Variants in HCRTR2 observed in about 807,000 individuals in gnomAD.
HCRTR2 encodes the protein hypocretin receptor 2, also known as orexin receptor type 2.
A neutral mutation model predicts 49.0 loss-of-function variants in HCRTR2; 22 were observed. That is an observed-to-expected ratio of 0.45 (90% CI 0.32 to 0.64). The LOEUF is 0.64. HCRTR2 is among the 30% of genes least tolerant of loss of function. The pLI, the probability that HCRTR2 is intolerant of heterozygous loss-of-function variation, is 0.04. For missense variants in HCRTR2, 491 were observed against 559.4 expected (o/e 0.88, Z 1.23); for synonymous variants, 236 against 205.3 (o/e 1.15, Z -1.28).
At chr6:55,128,708 AT>A (rs1561980608) in intron 1 of HCRTR2, among the ~76,000 whole-genome samples, 1 of 152,100 alleles carries the variant, frequency 6.6e-6, no homozygotes, top group Non-Finnish European at 1.5e-5. Flanking sequence ...ACTTTTCAGA[AT>A]ATCCATGTAG....
intron 1 of HCRTR2, among the ~76,000 whole-genome samples, chr6:55,148,178 G>A (rs556207254): frequency 2.6e-4 from 39 of 151,878 alleles, no homozygotes; most frequent in Admixed American, 5.2e-4. Context: ...TGGCAGCAAA[G>A]GGCAAAATTA....
At chr6:55,172,572 A>G (rs1443525161), upstream of HCRTR2, among the ~76,000 whole-genome samples, 1 of 152,174 alleles carries the variant, frequency 6.6e-6, no homozygotes, top group African/African-American at 2.4e-5. Context: ...AATATTTCTC[A>G]TAAAATGTGA....
intron 1 of HCRTR2, among the ~76,000 whole-genome samples, chr6:55,193,372 T>G (rs559172391): frequency 1.3e-5 from 2 of 152,158 alleles, no homozygotes; most frequent in African/African-American, 2.4e-5. Context: ...AGGCAGAGCA[T>G]TAAGAAAGTG....
intron 5 of HCRTR2, 101 bp downstream of exon 5, chr6:55,277,701 T>C: frequency 1.1e-6 from 1 of 895,702 alleles, no homozygotes; most frequent in Non-Finnish European, 1.8e-6. Context: ...AAATCTAAAC[T>C]TTCTGCTTAG....
At chr6:55,140,753 A>G (rs1331093209) in intron 1 of HCRTR2, among the ~76,000 whole-genome samples, 1 of 152,208 alleles carries the variant, frequency 6.6e-6, no homozygotes, top group Admixed American at 6.5e-5. Flanking sequence ...AGAACCAGGA[A>G]ATTAACCTTT....
At chr6:55,208,813 T>C (rs1308713139) in intron 1 of HCRTR2, among the ~76,000 whole-genome samples, 1 of 152,166 alleles carries the variant, frequency 6.6e-6, no homozygotes, top group East Asian at 1.9e-4. Context: ...AGTTATGTTG[T>C]AATAAGTGTC....
intron 1 of HCRTR2, among the ~76,000 whole-genome samples, chr6:55,149,502 T>A (rs1431508231): frequency 6.6e-6 from 1 of 152,062 alleles, no homozygotes. Context: ...AAAGCATGAG[T>A]ACAAGAAAGG....
intron 1 of HCRTR2, among the ~76,000 whole-genome samples, chr6:55,165,142 A>G (rs1481063142): frequency 6.6e-6 from 1 of 152,154 alleles, no homozygotes; most frequent in Non-Finnish European, 1.5e-5. Context: ...AAGAAAATTA[A>G]AAACAATGAA....
At chr6:55,207,042 G>A (rs542469105) in intron 1 of HCRTR2, among the ~76,000 whole-genome samples, 40 of 151,970 alleles carry the variant, frequency 2.6e-4, no homozygotes, top group Non-Finnish European at 5.6e-4. Context: ...TAAAATGGGA[G>A]GATAGAAAAT....
chr6:55,160,408 C>G (rs1260981131), intron 1 of HCRTR2, among the ~76,000 whole-genome samples: 1 of 152,142 alleles, frequency 6.6e-6, no homozygotes, highest in African/African-American at 2.4e-5. Context: ...ACCATCAACA[C>G]TATGAAGAAA....
chr6:55,208,335 A>T (rs557705504), intron 1 of HCRTR2, among the ~76,000 whole-genome samples: 295 of 151,016 alleles, frequency 2.0e-3, no homozygotes, highest in East Asian at 5.1e-3. Flanking sequence ...AATAAAAAAA[A>T]AAAAAAAATA....
intron 1 of HCRTR2, among the ~76,000 whole-genome samples, chr6:55,124,895 A>T (rs2127240837): frequency 6.8e-6 from 1 of 146,940 alleles, no homozygotes; most frequent in African/African-American, 2.5e-5. Context: ...TTGTTGGTTT[A>T]CAATCTGTTT....
chr6:55,214,463 C>A (rs557870440), intron 1 of HCRTR2, among the ~76,000 whole-genome samples: 1 of 152,222 alleles, frequency 6.6e-6, no homozygotes, highest in East Asian at 1.9e-4. Flanking sequence ...TCCTGAGTAG[C>A]TGAGACTAGA....
At chr6:55,172,226 G>A (rs187863462), upstream of HCRTR2, among the ~76,000 whole-genome samples, 442 of 152,206 alleles carry the variant, frequency 2.9e-3, 4 homozygotes, top group African/African-American at 0.01. Context: ...TATCAATTGG[G>A]TCTTTTGCTT....
At chr6:55,211,229 C>A (rs761578601) in intron 1 of HCRTR2, among the ~76,000 whole-genome samples, 1 of 152,222 alleles carries the variant, frequency 6.6e-6, no homozygotes, top group Non-Finnish European at 1.5e-5. Flanking sequence ...AGTCATTAAG[C>A]AAAGACTGAC....
chr6:55,161,403 C>T (rs1764803590), intron 1 of HCRTR2, among the ~76,000 whole-genome samples: 1 of 151,932 alleles, frequency 6.6e-6, no homozygotes, highest in Admixed American at 6.6e-5. Context: ...AATCAACACC[C>T]TAACATCACA....
chr6:55,130,343 C>A (rs1051383644), intron 1 of HCRTR2, among the ~76,000 whole-genome samples: 2 of 151,540 alleles, frequency 1.3e-5, no homozygotes, highest in Non-Finnish European at 3.0e-5. Flanking sequence ...AATGTAGTAA[C>A]TTTTACCAGT....
Position 55,157,149 on chromosome 6 carries a change from C to T in HCRTR2, c.-377-17062C>T, listed in dbSNP as rs902186522. Among the ~76,000 whole-genome samples, 3 of 152,096 alleles carry T rather than the reference C, an allele frequency of 2.0e-5. No individual in the cohort carries two copies. In the South Asian group the frequency reaches 6.2e-4, roughly 31 times the overall value. Reference sequence around the variant, plus strand: ...GAGATTACATACACACTCACAACTACCAGAGTTAATAAATGGGTTCTACAA... The same window carrying T: ...GAGATTACATACACACTCACAACTATCAGAGTTAATAAATGGGTTCTACAA... On this transcript the variant is annotated intron_variant, in intron 1 of 7. Coordinates refer to the HCRTR2 transcript ENST00000615358.
At chr6:55,137,957 A>G (rs567268815) in intron 1 of HCRTR2, among the ~76,000 whole-genome samples, 1 of 152,296 alleles carries the variant, frequency 6.6e-6, no homozygotes, top group South Asian at 2.1e-4. Flanking sequence ...TTTAGCCTTC[A>G]GTTTCTTCAT....
Sources: allele counts gnomAD v4.1 joint callset (sites outside exome capture counted in the v4.1 genomes callset), GRCh38; gene constraint gnomAD v4.1.1; transcripts MANE v1.5; gene names NCBI Gene and HGNC (gene_info 2026-07-23, HGNC 2026-07-21).